Variants in FGF12 observed in about 807,000 individuals in gnomAD.
The protein encoded by FGF12 is fibroblast growth factor 12B.
Under a neutral mutation model 23.6 loss-of-function variants are expected in FGF12, and 14 were observed. The ratio of observed to expected loss-of-function variants is 0.59; its 90% CI spans 0.39 to 0.93. The LOEUF is 0.93. Ranked by LOEUF, FGF12 falls within the 40% of genes least tolerant of loss-of-function variation. The pLI is 0.00. For synonymous variants in FGF12, 62 were observed against 77.3 expected, an observed-to-expected ratio of 0.80 and a Z score of 1.04; for missense variants, 175 against 217.8, an observed-to-expected ratio of 0.80 and a Z score of 1.24.
intron 3 of FGF12, among the ~76,000 whole-genome samples, chr3:192,348,351 T>C (rs138397224): frequency 1.1e-4 from 17 of 152,138 alleles, no homozygotes; most frequent in Non-Finnish European, 2.1e-4. Context: ...TGAAAATATA[T>C]ATCCACATAA....
At chr3:192,317,217 G>A (rs532828435) in intron 4 of FGF12, among the ~76,000 whole-genome samples, 5 of 151,936 alleles carry the variant, frequency 3.3e-5, no homozygotes, top group African/African-American at 1.2e-4. Flanking sequence ...GAGTAAGGGG[G>A]GCTTCTCTTG....
intron 2 of FGF12, among the ~76,000 whole-genome samples, chr3:192,641,821 C>T (rs1452724884): frequency 6.6e-6 from 1 of 152,148 alleles, no homozygotes; most frequent in East Asian, 1.9e-4. Flanking sequence ...CAGCTATGAC[C>T]ATTTGTTTGC....
At chr3:192,661,808 A>G (rs1716682167) in intron 2 of FGF12, among the ~76,000 whole-genome samples, 1 of 152,202 alleles carries the variant, frequency 6.6e-6, no homozygotes, top group Non-Finnish European at 1.5e-5. Flanking sequence ...ACCTTCTGCT[A>G]TCCAAAACCA....
intron 2 of FGF12, among the ~76,000 whole-genome samples, chr3:192,465,003 T>C (rs1264803485): frequency 6.6e-6 from 1 of 152,206 alleles, no homozygotes; most frequent in Non-Finnish European, 1.5e-5. Flanking sequence ...TTACAGATCA[T>C]GTATGTTTTA....
In FGF12 at chr3:192,281,531, G is replaced by A. The variant is rs74382846; in HGVS notation, c.228+53830C>T. 7.1e-3 allele frequency among the ~76,000 whole-genome samples: 1,078 copies of A among 152,200 alleles called. 8 individuals carry two copies. The highest frequency in any genetic ancestry group is 0.025 in the African/African-American group (1,044 of 41,516). On this transcript the variant is annotated intron_variant, in intron 4 of 5. Coordinates refer to ENST00000445105, the MANE Select transcript of FGF12 (RefSeq NM_004113.6). Reference sequence around the variant, plus strand: ...GACACTATTCATGTGTGGAGATACTGTGGCCTGGCATTAAGTTGACATTGA... The same window carrying A: ...GACACTATTCATGTGTGGAGATACTATGGCCTGGCATTAAGTTGACATTGA...
intron 2 of FGF12, among the ~76,000 whole-genome samples, chr3:192,361,585 C>T (rs867696683): frequency 9.8e-5 from 15 of 152,312 alleles, no homozygotes; most frequent in Middle Eastern, 3.4e-3. Flanking sequence ...TAGTCAACTT[C>T]ATCCTTCATC....
At chr3:192,349,458 CT>C (rs1284787236) in intron 3 of FGF12, among the ~76,000 whole-genome samples, 1 of 151,938 alleles carries the variant, frequency 6.6e-6, no homozygotes, top group Non-Finnish European at 1.5e-5. Context: ...TGTGTATTTT[CT>C]TTTTCCTGCA....
intron 4 of FGF12, among the ~76,000 whole-genome samples, chr3:192,283,259 A>C (rs1522277): frequency 1.3e-5 from 2 of 151,916 alleles, no homozygotes; most frequent in Non-Finnish European, 2.9e-5. Context: ...TATTTATGTT[A>C]TTTATAATAG....
At chr3:192,704,969 A>T (rs1718421955) in intron 2 of FGF12, among the ~76,000 whole-genome samples, 1 of 152,206 alleles carries the variant, frequency 6.6e-6, no homozygotes, top group Non-Finnish European at 1.5e-5. Flanking sequence ...GCCTTCACAG[A>T]ATTGAAGAGA....
intron 4 of FGF12, among the ~76,000 whole-genome samples, chr3:192,264,784 A>G (rs897312000): frequency 6.6e-6 from 1 of 152,102 alleles, no homozygotes; most frequent in Non-Finnish European, 1.5e-5. Flanking sequence ...TCAACCAACA[A>G]GAGTGGAATT....
intron 4 of FGF12, among the ~76,000 whole-genome samples, chr3:192,327,559 G>GA (rs1378682873): frequency 8.2e-6 from 1 of 122,648 alleles, no homozygotes; most frequent in Non-Finnish European, 1.8e-5. Flanking sequence ...GCTATAGTTT[G>GA]AAAAAAATAA....
intron 2 of FGF12, among the ~76,000 whole-genome samples, chr3:192,482,306 G>A (rs1723501969): frequency 6.6e-6 from 1 of 152,114 alleles, no homozygotes; most frequent in Non-Finnish European, 1.5e-5. Context: ...AAACTAAAAA[G>A]TCAACAGAGA....
intron 2 of FGF12, among the ~76,000 whole-genome samples, chr3:192,427,783 G>A (rs1721738978): frequency 6.6e-6 from 1 of 152,146 alleles, no homozygotes; most frequent in Non-Finnish European, 1.5e-5. Flanking sequence ...TTGGCAGCAG[G>A]GAGCAGCACT....
intron 2 of FGF12, among the ~76,000 whole-genome samples, chr3:192,456,998 C>T (rs1722701273): frequency 6.6e-6 from 1 of 152,136 alleles, no homozygotes; most frequent in African/African-American, 2.4e-5. Flanking sequence ...GGCAGTTTCC[C>T]CCATACTGTT....
At chr3:192,487,250 T>C (rs948411279) in intron 2 of FGF12, among the ~76,000 whole-genome samples, 8 of 152,138 alleles carry the variant, frequency 5.3e-5, no homozygotes, top group African/African-American at 1.9e-4. Flanking sequence ...GCAACCATAG[T>C]AACTAATAAC....
intron 2 of FGF12, among the ~76,000 whole-genome samples, chr3:192,714,663 C>A (rs187190395): frequency 6.6e-6 from 1 of 150,734 alleles, no homozygotes; most frequent in East Asian, 2.0e-4. Context: ...GGACTACAGG[C>A]GCCCGCCACT....
rs1357767972 is a variant in FGF12 at position 192,514,571 on chromosome 3, C to T, written c.14-154033G>A. On this transcript the variant is annotated intron_variant, in intron 2 of 5. Transcript: ENST00000445105. This position sits in a 1 kb window ranked among gnomAD's most constrained non-coding sequence, Gnocchi z 4.9. ...CGCCTTCCCTCCGCCACAGGCAGCGCTGAATGAAGCAGAGGAGGGCGGCGG... is the reference window on the plus strand; with the variant it reads ...CGCCTTCCCTCCGCCACAGGCAGCGTTGAATGAAGCAGAGGAGGGCGGCGG... The T allele has an allele frequency of 1.6e-5, 8 of 500,662 alleles. No individual in the cohort carries two copies. The highest frequency in any genetic ancestry group is 1.8e-5 in the Non-Finnish European group (7 of 387,052). The allele number at this position is 500,662 out of a possible 1,614,324, so 31.0% of individuals were successfully genotyped here.
intron 4 of FGF12, among the ~76,000 whole-genome samples, chr3:192,327,209 T>C (rs1049749923): frequency 1.3e-5 from 2 of 152,120 alleles, no homozygotes; most frequent in Non-Finnish European, 2.9e-5. Flanking sequence ...CTAAAAGTCC[T>C]TCAGAAACAA....
At position 192,707,983 on chromosome 3, in the gene FGF12, G is replaced by A. The variant is rs543474194; in HGVS notation, c.13+19198C>T. 1.2e-4 allele frequency among the ~76,000 whole-genome samples: 18 copies of A among 151,768 alleles called. No individual in the cohort carries two copies. The South Asian group carries it at 1.3e-3, about 11-fold the overall frequency. ...TTATTTATTTATTTATTTTTGAGAC[G>A]GAGTCTCGCTCTGTCACCCAGGCTG... On this transcript the variant is annotated intron_variant, in intron 2 of 5. Coordinates refer to ENST00000445105, the MANE Select transcript of FGF12 (RefSeq NM_004113.6).
Sources: gnomAD v4.1 joint callset for allele counts (sites outside exome capture counted in the v4.1 genomes callset) on GRCh38, gnomAD v4.1.1 for gene constraint, Gnocchi (gnomAD v3.1) non-coding constraint, MANE v1.5 for transcripts, NCBI Gene and HGNC (gene_info 2026-07-23, HGNC 2026-07-21) for gene names.